PCDHGA3: variants seen among roughly 807,000 people sequenced by gnomAD.
The protein encoded by PCDHGA3 is protocadherin gamma-A3.
Under a neutral mutation model 58.5 loss-of-function variants are expected in PCDHGA3, and 40 were observed. That is an observed-to-expected ratio of 0.68 (90% CI 0.53 to 0.89). The LOEUF (loss-of-function observed/expected upper bound fraction) is 0.89, where lower values mean the gene tolerates loss of function less well. Among genes scored for constraint, PCDHGA3 ranks in the 40% least tolerant of loss-of-function variants. The probability of loss-of-function intolerance (pLI) is 0.00; values close to 1 mark genes in which losing one functional copy is unlikely to be tolerated. For missense variants in PCDHGA3, 1,223 were observed against 1,195.9 expected (o/e 1.02, Z -0.33); for synonymous variants, 530 against 525.7 (o/e 1.01, Z -0.11).
intron 1 of PCDHGA3, among the ~76,000 whole-genome samples, chr5:141,438,948 G>A (rs2154558298): frequency 6.6e-6 from 1 of 152,142 alleles, no homozygotes; most frequent in Middle Eastern, 3.4e-3. Context: ...TTATAGGCAT[G>A]AGCCACCGCA....
intron 1 of PCDHGA3, chr5:141,410,023 C>A: frequency 6.2e-7 from 1 of 1,613,310 alleles, no homozygotes; most frequent in South Asian, 1.1e-5. Context: ...TGTCCTACCA[C>A]GTGCTGCAGG....
chr5:141,410,780 A>T, intron 1 of PCDHGA3: 1 of 803,810 alleles, frequency 1.2e-6, no homozygotes. Context: ...TTCACTATGT[A>T]TTTGGTTCAT....
intron 3 of PCDHGA3, among the ~76,000 whole-genome samples, chr5:141,509,262 ACT>A (rs761383166): frequency 9.2e-5 from 14 of 151,714 alleles, no homozygotes; most frequent in Non-Finnish European, 1.9e-4. Flanking sequence ...GGCTTTAGTC[ACT>A]CTCGCTACCC....
chr5:141,383,502 C>A (rs1779190099), intron 1 of PCDHGA3: 1 of 1,613,004 alleles, frequency 6.2e-7, no homozygotes, highest in Admixed American at 1.7e-5. Context: ...GGGTGCTGGA[C>A]CGGGAGGAAG....
At chr5:141,364,582 G>A (rs1379738059) in intron 1 of PCDHGA3, 1 of 1,614,206 alleles carries the variant, frequency 6.2e-7, no homozygotes, top group Non-Finnish European at 8.5e-7. Flanking sequence ...GCGGCAGCTT[G>A]GTCACCGCGG....
intron 1 of PCDHGA3, chr5:141,422,513 G>A (rs765955739): frequency 6.2e-7 from 1 of 1,614,000 alleles, no homozygotes. Context: ...ACAGACCAGG[G>A]AAGCCCGCCT....
At chr5:141,399,818 G>A in intron 1 of PCDHGA3, 1 of 1,613,204 alleles carries the variant, frequency 6.2e-7, no homozygotes, top group Non-Finnish European at 8.5e-7. Context: ...CCCGCGCTGG[G>A]TCCCGACGGC....
intron 1 of PCDHGA3, chr5:141,375,345 C>A (rs749825552): frequency 1.9e-6 from 3 of 1,613,740 alleles, no homozygotes; most frequent in Non-Finnish European, 2.5e-6. Context: ...TACAACATCA[C>A]TGTGACAGCC....
intron 1 of PCDHGA3, chr5:141,392,939 C>T (rs1425022179): frequency 1.2e-6 from 2 of 1,613,830 alleles, no homozygotes; most frequent in Non-Finnish European, 1.7e-6. Context: ...CGGACAAAGG[C>T]TCCTTCGTGG....
chr5:141,452,378 T>C (rs1227738942), intron 1 of PCDHGA3, among the ~76,000 whole-genome samples: 1 of 152,226 alleles, frequency 6.6e-6, no homozygotes, highest in African/African-American at 2.4e-5. Context: ...TAGTAGGGAA[T>C]AGTATTTAGA....
intron 1 of PCDHGA3, chr5:141,362,520 C>T (rs201116803): frequency 1.3e-4 from 210 of 1,613,870 alleles, no homozygotes; most frequent in Non-Finnish European, 1.7e-4. Context: ...ATCATGGAGC[C>T]GCTGGGGTCC....
intron 2 of PCDHGA3, among the ~76,000 whole-genome samples, chr5:141,503,275 C>T (rs1466636672): frequency 1.3e-5 from 2 of 152,108 alleles, no homozygotes; most frequent in Non-Finnish European, 2.9e-5. Context: ...GCACCTGGCT[C>T]TGTGTCTGGT....
At chr5:141,423,501 C>T (rs2096747990) in intron 1 of PCDHGA3, 1 of 1,613,990 alleles carries the variant, frequency 6.2e-7, no homozygotes, top group Non-Finnish European at 8.5e-7. Context: ...CCCACGAGGT[C>T]TCTCTCATTG....
In PCDHGA3 at chr5:141,379,889, C is replaced by CTTTTTTTTT. The variant is rs70988800; in HGVS notation, c.2424+33454_2424+33462dup. ...CTTATTTTATGGTCTGTGAAAGCCT[C>CTTTTTTTTT]TTTTTTTTTTTTTTTTTTTTTTTTT... is the stretch of plus-strand genomic sequence containing the variant. On this transcript the variant is annotated intron_variant, in intron 1 of 3. Transcript: ENST00000253812. Among the ~76,000 whole-genome samples the CTTTTTTTTT allele has an allele frequency of 5.8e-3, 297 of 50,818 alleles. 50 individuals are homozygous for CTTTTTTTTT. Among genetic ancestry groups the CTTTTTTTTT allele is most frequent in the African/African-American group, 9.2e-3 (138 of 15,074 alleles). The allele number at this position is 50,818 out of a possible 152,430, so 33.3% of individuals were successfully genotyped here.
At chr5:141,386,640 A>G (rs1313920703) in intron 1 of PCDHGA3, among the ~76,000 whole-genome samples, 2 of 151,864 alleles carry the variant, frequency 1.3e-5, no homozygotes, top group African/African-American at 4.8e-5. Flanking sequence ...CCCAGGCTGG[A>G]TACATTTTAC....
intron 1 of PCDHGA3, chr5:141,426,776 C>G (rs1258505646): frequency 2.2e-6 from 1 of 456,584 alleles, no homozygotes; most frequent in Admixed American, 2.3e-5. Flanking sequence ...TAGGGCCTCA[C>G]TCTCTCCAGA....
chr5:141,374,302 G>A (rs769015747), intron 1 of PCDHGA3: 2 of 1,613,984 alleles, frequency 1.2e-6, no homozygotes, highest in Non-Finnish European at 1.7e-6. Flanking sequence ...GTAGGATGCA[G>A]CTTTTCTCTC....
chr5:141,355,197 T>G (rs1759751524), intron 1 of PCDHGA3: 1 of 1,596,530 alleles, frequency 6.3e-7, no homozygotes, highest in African/African-American at 1.3e-5. Context: ...GCGGCGGGGT[T>G]GTAATGGCGG....
At chr5:141,415,198 G>T in intron 1 of PCDHGA3, 2 of 1,614,038 alleles carry the variant, frequency 1.2e-6, no homozygotes, top group Non-Finnish European at 1.7e-6. Context: ...CATCCCCCAA[G>T]TCCTGGCGGA....
Sources: gnomAD v4.1 joint callset for allele counts (sites outside exome capture counted in the v4.1 genomes callset) on GRCh38, gnomAD v4.1.1 for gene constraint, MANE v1.5 for transcripts, NCBI Gene and HGNC (gene_info 2026-07-23, HGNC 2026-07-21) for gene names.